LOC128462377: variants seen among roughly 807,000 people sequenced by gnomAD.
the LOC128462377 span, among the ~76,000 whole-genome samples, chr16:89,356,546 C>T: frequency 2.0e-5 from 3 of 149,572 alleles, no homozygotes; most frequent in South Asian, 2.1e-4. Context: ...CCGAGGCGGG[C>T]GGATCACGAG....
chr16:89,401,415 G>A, the LOC128462377 span, among the ~76,000 whole-genome samples: 3 of 152,116 alleles, frequency 2.0e-5, no homozygotes, highest in Non-Finnish European at 2.9e-5. Context: ...TAAATATCAC[G>A]CTGGGATAAT....
the LOC128462377 span, among the ~76,000 whole-genome samples, chr16:89,341,924 C>T: frequency 1.3e-5 from 2 of 151,216 alleles, no homozygotes; most frequent in African/African-American, 4.9e-5. Flanking sequence ...CGGCCCACGG[C>T]GGGAGTGCTG....
the LOC128462377 span, among the ~76,000 whole-genome samples, chr16:89,345,895 G>A: frequency 6.6e-6 from 1 of 152,142 alleles, no homozygotes; most frequent in Non-Finnish European, 1.5e-5. Flanking sequence ...TTTCACAAGA[G>A]AGCTAAGACG....
chr16:89,397,723 A>T, the LOC128462377 span, among the ~76,000 whole-genome samples: 2 of 152,232 alleles, frequency 1.3e-5, no homozygotes, highest in African/African-American at 4.8e-5. Flanking sequence ...GAATGTCAAG[A>T]TGAAGATGAT....
the LOC128462377 span, among the ~76,000 whole-genome samples, chr16:89,318,670 A>G: frequency 3.3e-5 from 5 of 152,202 alleles, no homozygotes; most frequent in East Asian, 7.7e-4. Flanking sequence ...CTGAGACCAC[A>G]AGATGCTTCT....
chr16:89,398,560 A>AT, the LOC128462377 span, among the ~76,000 whole-genome samples: 34 of 151,868 alleles, frequency 2.2e-4, 1 homozygote, highest in East Asian at 3.5e-3. Context: ...CTTAAAAAAA[A>AT]TTTTTTTTTA....
chr16:89,376,394 A>G, the LOC128462377 span, among the ~76,000 whole-genome samples: 1 of 152,230 alleles, frequency 6.6e-6, no homozygotes, highest in Non-Finnish European at 1.5e-5. Flanking sequence ...CCCAGACACC[A>G]TGAGGAATAT....
the LOC128462377 span, among the ~76,000 whole-genome samples, chr16:89,356,402 G>A: frequency 3.3e-5 from 5 of 151,984 alleles, no homozygotes; most frequent in Admixed American, 3.3e-4. Flanking sequence ...AGCTCCGGAA[G>A]CCAGATGGAG....
the LOC128462377 span, among the ~76,000 whole-genome samples, chr16:89,340,548 T>C: frequency 2.0e-5 from 3 of 152,246 alleles, no homozygotes; most frequent in African/African-American, 7.2e-5. Context: ...GTGCTGGGAT[T>C]ACAGGCATGA....
the LOC128462377 span, among the ~76,000 whole-genome samples, chr16:89,373,732 C>T: frequency 4.5e-4 from 69 of 152,350 alleles, 2 homozygotes; most frequent in Admixed American, 4.5e-3. Flanking sequence ...ACGCGGGAGG[C>T]ATGCACACGA....
At chr16:89,397,360 T>C in the LOC128462377 span, among the ~76,000 whole-genome samples, 1 of 152,218 alleles carries the variant, frequency 6.6e-6, no homozygotes, top group Admixed American at 6.5e-5. Flanking sequence ...TGGATGCGCA[T>C]TTACAAAATC....
chr16:89,373,730 G>A, the LOC128462377 span, among the ~76,000 whole-genome samples: 2 of 152,220 alleles, frequency 1.3e-5, no homozygotes, highest in Non-Finnish European at 2.9e-5. Context: ...CCACGCGGGA[G>A]GCATGCACAC....
chr16:89,355,270 A>G, the LOC128462377 span, among the ~76,000 whole-genome samples: 83,893 of 151,046 alleles, frequency 0.56, 23,733 homozygotes, highest in African/African-American at 0.68. Context: ...GAAGGCGGGC[A>G]GAGGGCTCAC....
the LOC128462377 span, among the ~76,000 whole-genome samples, chr16:89,320,588 G>A: frequency 1.3e-5 from 2 of 152,124 alleles, no homozygotes; most frequent in Admixed American, 6.5e-5. Context: ...TCCCAGCTTC[G>A]TGGACTGTCA....
the LOC128462377 span, among the ~76,000 whole-genome samples, chr16:89,369,143 C>G: frequency 6.6e-6 from 1 of 152,294 alleles, no homozygotes; most frequent in African/African-American, 2.4e-5. Flanking sequence ...ACCAACCACA[C>G]CAGATCACAG....
the LOC128462377 span, among the ~76,000 whole-genome samples, chr16:89,417,717 A>G: frequency 2.6e-5 from 4 of 152,186 alleles, no homozygotes; most frequent in Non-Finnish European, 2.9e-5. Flanking sequence ...CAGGAACCTA[A>G]CAAGAGCACA....
the LOC128462377 span, chr16:89,403,529 G>A: frequency 2.6e-5 from 4 of 151,968 alleles, no homozygotes; most frequent in African/African-American, 4.8e-5. Flanking sequence ...GCTCAACTAC[G>A]ACTGGGCAAT....
At chr16:89,329,824 C>T in the LOC128462377 span, among the ~76,000 whole-genome samples, 1 of 152,038 alleles carries the variant, frequency 6.6e-6, no homozygotes, top group African/African-American at 2.4e-5. Flanking sequence ...GCCTGGCCAA[C>T]ATGGTGAAAC....
the LOC128462377 span, chr16:89,324,292 G>A: frequency 3.2e-5 from 40 of 1,260,402 alleles, no homozygotes; most frequent in South Asian, 5.3e-5. Flanking sequence ...TCCGGAACAC[G>A]GACCACCCGA....
Sources: allele counts gnomAD v4.1 joint callset (sites outside exome capture counted in the v4.1 genomes callset), GRCh38; gene constraint gnomAD v4.1.1; transcripts MANE v1.5.